RNF157: variants seen among roughly 807,000 people sequenced by gnomAD.
RNF157 encodes E3 ubiquitin ligase RNF157.
In RNF157, 55 loss-of-function variants were observed where a neutral mutation model predicts 88.3. That is an observed-to-expected ratio of 0.62 (90% confidence interval 0.50 to 0.78). The LOEUF (loss-of-function observed/expected upper bound fraction) is 0.78. RNF157 is among the 30% of genes least tolerant of loss of function. The probability of loss-of-function intolerance (pLI) is 0.00; values close to 1 mark genes in which losing one functional copy is unlikely to be tolerated. For missense variants in RNF157, 788 were observed against 860.8 expected (o/e 0.92, Z 1.06); for synonymous variants, 334 against 341.2 (o/e 0.98, Z 0.23).
intron 1 of RNF157, among the ~76,000 whole-genome samples, chr17:76,224,756 A>G (rs943170275): frequency 6.6e-6 from 1 of 152,028 alleles, no homozygotes; most frequent in Non-Finnish European, 1.5e-5. Flanking sequence ...AAAAACTCAT[A>G]ATGTTTTAAG....
intron 14 of RNF157, 113 bp from the exon 15 acceptor site, chr17:76,155,847 G>A (rs2068754987): frequency 4.3e-6 from 4 of 936,326 alleles, no homozygotes; most frequent in African/African-American, 1.7e-5. Flanking sequence ...TGAAGTGGCC[G>A]TATCTTGCCC....
intron 9 of RNF157, 55 bp from the exon 10 acceptor site, chr17:76,162,057 C>T: frequency 1.3e-6 from 2 of 1,564,280 alleles, no homozygotes. Flanking sequence ...CTGTCCCATA[C>T]TTTACTGACA....
chr17:76,228,807 G>C (rs888236927), intron 1 of RNF157, among the ~76,000 whole-genome samples: 1 of 151,932 alleles, frequency 6.6e-6, no homozygotes, highest in Admixed American at 6.6e-5. Flanking sequence ...TGTAATCCCA[G>C]CTACTCGGGA....
chr17:76,183,622 G>A (rs927011892), intron 2 of RNF157, among the ~76,000 whole-genome samples: 1 of 151,970 alleles, frequency 6.6e-6, no homozygotes, highest in African/African-American at 2.4e-5. Context: ...ATCACAGCTG[G>A]CTAATTTCTA....
At chr17:76,230,836 TAA>T (rs1160772405) in intron 1 of RNF157, among the ~76,000 whole-genome samples, 709 of 70,318 alleles carry the variant, frequency 0.01, 3 homozygotes, top group African/African-American at 0.036. Context: ...AGACTCCATC[TAA>T]AAAAAAAAAA....
Position 76,155,453 on chromosome 17 carries a change from T to C in RNF157, c.1698+109A>G, listed in dbSNP as rs1033122750. 1.3e-5 allele frequency: 19 copies of C among 1,471,422 alleles called. No homozygotes were observed. In the South Asian group the frequency reaches 2.1e-4, roughly 16 times the overall value. 91.1% of individuals were successfully genotyped at this position (1,471,422 alleles called of 1,614,324 possible). A position where few individuals can be genotyped will look rare whatever the true frequency, so the allele number is the denominator to read the frequency against. ...AATGCCTTGTTTTCTGCAGCACTCC[T>C]GGCATTTTGGGGGCTTTGCAGCCAT... On this transcript the variant is annotated intron_variant, in intron 15 of 18. Transcript: ENST00000269391.
intron 2 of RNF157, 161 bp downstream of exon 2, chr17:76,212,203 T>C (rs2145025596): frequency 1.7e-6 from 1 of 584,096 alleles, no homozygotes; most frequent in Non-Finnish European, 3.1e-6. Flanking sequence ...CAACAAGAGA[T>C]CCCATACAAC....
rs112450628 is a variant in RNF157 at position 76,177,393 on chromosome 17, A to C, written c.208-3603T>G. Among the ~76,000 whole-genome samples the C allele has an allele frequency of 1.6e-4, 24 of 149,442 alleles. 1 individual carries two copies. Among genetic ancestry groups the C allele is most frequent in the African/African-American group, 5.9e-4 (24 of 40,634 alleles). On this transcript the variant is annotated intron_variant, in intron 2 of 18. Transcript: ENST00000269391. Reference sequence around the variant, plus strand: ...TTGGTGCTGGCTCTGATCTTAGAGCAGTGTGGGGCCAAGCCAAGGTGCTGT... The same window carrying C: ...TTGGTGCTGGCTCTGATCTTAGAGCCGTGTGGGGCCAAGCCAAGGTGCTGT...
Position 76,164,673 on chromosome 17 carries a change from G to A in RNF157, c.720+75C>T. The stretch of plus-strand genomic sequence containing the variant: ...TAAAACAAAAATAAAAAAAGAGGGA[G>A]AGAGAAGAAGAAAGGAAAGAATAAA... On this transcript the variant is annotated intron_variant, in intron 8 of 18. Transcript: ENST00000269391. 10 of 812,694 alleles carry A rather than the reference G, an allele frequency of 1.2e-5. No homozygotes were observed. In the South Asian group the frequency reaches 1.9e-4, roughly 15 times the overall value. 50.3% of individuals were successfully genotyped at this position (812,694 alleles called of 1,614,324 possible).
intron 18 of RNF157, among the ~76,000 whole-genome samples, chr17:76,145,882 T>C (rs186038926): frequency 7.2e-4 from 109 of 152,184 alleles, no homozygotes; most frequent in South Asian, 1.9e-3. Flanking sequence ...GGGAGGACAG[T>C]GTGAGGCTCC....
At chr17:76,174,480 T>C (rs567412934) in intron 2 of RNF157, among the ~76,000 whole-genome samples, 3 of 152,306 alleles carry the variant, frequency 2.0e-5, no homozygotes, top group African/African-American at 4.8e-5. Context: ...AAAGGGGAAA[T>C]AGCCAAAAAT....
chr17:76,207,019 T>C (rs1005891213), intron 2 of RNF157, among the ~76,000 whole-genome samples: 1 of 152,224 alleles, frequency 6.6e-6, no homozygotes, highest in Non-Finnish European at 1.5e-5. Flanking sequence ...AATGGTAAGA[T>C]ATAAATAAAA....
rs1393486091 is a variant in RNF157 at position 76,240,418 on chromosome 17, C to G, written c.-178G>C. The G allele has an allele frequency of 6.5e-6, 1 of 152,812 alleles. No individual in the cohort carries two copies. Among genetic ancestry groups the G allele is most frequent in the Non-Finnish European group, 1.4e-5 (1 of 71,998 alleles). The allele number at this position is 152,812 out of a possible 1,614,324, so 9.5% of individuals were successfully genotyped here. Reference sequence around the variant, plus strand: ...CGGCGCGCCGCGCACCATCCTCCGCCGGGCACCGCGGCGGCGCCTCTGCCA... The same window carrying G: ...CGGCGCGCCGCGCACCATCCTCCGCGGGGCACCGCGGCGGCGCCTCTGCCA... On this transcript the variant is annotated 5_prime_UTR_variant, in exon 1 of 19. Coordinates refer to ENST00000269391, the MANE Select transcript of RNF157 (RefSeq NM_052916.3). The surrounding 1 kb of genome is among the most constrained non-coding windows in gnomAD (Gnocchi z 4.4).
chr17:76,190,856 C>G (rs1181887408), intron 2 of RNF157, among the ~76,000 whole-genome samples: 1 of 151,070 alleles, frequency 6.6e-6, no homozygotes, highest in Non-Finnish European at 1.5e-5. Flanking sequence ...TGCAGTGAGC[C>G]GAGATCGTGC....
At chr17:76,155,837 TG>T in intron 14 of RNF157, 103 bp from the exon 15 acceptor site, 1 of 1,049,474 alleles carries the variant, frequency 9.5e-7, no homozygotes. Flanking sequence ...CATTGAGGAG[TG>T]AAGTGGCCGT....
intron 6 of RNF157, 123 bp downstream of exon 6, chr17:76,166,338 T>C: frequency 2.5e-6 from 2 of 797,594 alleles, no homozygotes; most frequent in Non-Finnish European, 2.2e-6. Context: ...ATGCAGAGAC[T>C]GCCTGACTCA....
In RNF157 at chr17:76,144,008, C is replaced by T. The variant is rs1864513469; in HGVS notation, c.*1227G>A. On this transcript the variant is annotated 3_prime_UTR_variant, in exon 19 of 19. Coordinates refer to ENST00000269391, the MANE Select transcript of RNF157 (RefSeq NM_052916.3). The stretch of plus-strand genomic sequence containing the variant: ...CTGCCTGAACTTAGCTCAAGGCTCT[C>T]CATCACTTCCTTTGGGGACCTGGGC... The T allele has an allele frequency of 6.6e-6, 1 of 152,208 alleles. No individual in the cohort carries two copies. The highest frequency in any genetic ancestry group is 6.5e-5 in the Admixed American group (1 of 15,272). The allele number at this position is 152,208 out of a possible 1,614,324, so 9.4% of individuals were successfully genotyped here.
chr17:76,240,165 G>C lies in RNF157; in HGVS notation c.76C>G (p.Pro26Ala). 2.2e-6 allele frequency: 3 copies of C among 1,374,044 alleles called. No homozygotes were observed. The highest frequency in any genetic ancestry group is 2.9e-6 in the Non-Finnish European group (3 of 1,050,532). 85.1% of individuals were successfully genotyped at this position (1,374,044 alleles called of 1,614,324 possible). A position where few individuals can be genotyped will look rare whatever the true frequency, so the allele number is the denominator to read the frequency against. ...DIPSNSVYRY[P>A]PKSGSYFASH... ...CGCCCGCCCTCACCGGACTTGGGCG[G>C]GTAGCGGTACACGGAATTAGACGGG... Residue 26 changes from proline (P) to alanine (A), a missense_variant, in exon 1 of 19, where the codon CCG becomes GCG. Pro to Ala is a conservative substitution (Grantham distance 27). Coordinates refer to ENST00000269391, the MANE Select transcript of RNF157 (RefSeq NM_052916.3). The surrounding 1 kb of genome is among the most constrained non-coding windows in gnomAD (Gnocchi z 4.4).
At chr17:76,222,404 G>A (rs1021127846) in intron 1 of RNF157, among the ~76,000 whole-genome samples, 1 of 151,756 alleles carries the variant, frequency 6.6e-6, no homozygotes, top group African/African-American at 2.4e-5. Context: ...CACTGTGAAT[G>A]TTCAAAATGC....
Sources: gnomAD v4.1 joint callset for allele counts (sites outside exome capture counted in the v4.1 genomes callset) on GRCh38, gnomAD v4.1.1 for gene constraint, Gnocchi (gnomAD v3.1) non-coding constraint, MANE v1.5 for transcripts, NCBI Gene and HGNC (gene_info 2026-07-23, HGNC 2026-07-21) for gene names.